CFAP221: variants seen among roughly 807,000 people sequenced by gnomAD.
CFAP221 encodes cilia- and flagella-associated protein 221.
A neutral mutation model predicts 113.1 loss-of-function variants in CFAP221; 97 were observed. The ratio of observed to expected loss-of-function variants is 0.86; its 90% CI spans 0.73 to 1.02. CFAP221 has a LOEUF of 1.02. Ranked by LOEUF, CFAP221 falls within the 50% of genes least tolerant of loss-of-function variation. CFAP221 has a pLI of 0.00. For synonymous variants in CFAP221, 331 were observed against 354.4 expected (o/e 0.93, Z 0.74); for missense variants, 1,025 against 1,013.4 (o/e 1.01, Z -0.16).
At chr2:119,608,473 T>G in intron 11 of CFAP221, 29 bp from the exon 12 acceptor site, 1 of 1,459,790 alleles carries the variant, frequency 6.9e-7, no homozygotes. Flanking sequence ...TGATGGGTTC[T>G]GGACACAGTT....
At chr2:119,608,372 C>A in intron 11 of CFAP221, 130 bp from the exon 12 acceptor site, 1 of 592,166 alleles carries the variant, frequency 1.7e-6, no homozygotes, top group Non-Finnish European at 2.9e-6. Flanking sequence ...ACTAACTTCT[C>A]TATCCCATGT....
chr2:119,596,348 G>A (rs1020794388), intron 7 of CFAP221, among the ~76,000 whole-genome samples: 15 of 152,296 alleles, frequency 9.8e-5, no homozygotes, highest in Middle Eastern at 3.4e-3. Context: ...CCCTCCAGTC[G>A]CCCTGCCCTC....
chr2:119,617,686 C>T (rs1685623415), intron 14 of CFAP221, among the ~76,000 whole-genome samples: 1 of 152,230 alleles, frequency 6.6e-6, no homozygotes, highest in African/African-American at 2.4e-5. Context: ...CCCAGCATCT[C>T]TTGCCTGGAC....
At chr2:119,613,452 T>C (rs574440751) in intron 13 of CFAP221, among the ~76,000 whole-genome samples, 1 of 152,352 alleles carries the variant, frequency 6.6e-6, no homozygotes, top group South Asian at 2.1e-4. Flanking sequence ...GGTGTTTCCA[T>C]ACATCCTCTG....
chr2:119,549,114 G>A lies in CFAP221; in HGVS notation c.169G>A (p.Val57Ile). 6.5e-7 allele frequency: 1 copy of A among 1,533,996 alleles called. No homozygotes were observed. The highest frequency in any genetic ancestry group is 8.7e-7 in the Non-Finnish European group (1 of 1,146,276). Residue 57 changes from valine to isoleucine, a missense_variant, in exon 3 of 24, where the codon GTC becomes ATC. Coordinates refer to ENST00000413369, the MANE Select transcript of CFAP221 (RefSeq NM_001271049.2). ...TTATGCAAAACTTGTGAATAATAAG[G>A]TCATACAGGCAAGACCTGGCATAAT... ...KVYAKLVNNK[V>I]IQARPGIIHF...
chr2:119,607,168 A>G (rs1684830509), intron 11 of CFAP221, among the ~76,000 whole-genome samples: 1 of 152,184 alleles, frequency 6.6e-6, no homozygotes, highest in Non-Finnish European at 1.5e-5. Flanking sequence ...ATTTTATAAA[A>G]ATGAAATAGA....
chr2:119,601,266 C>T lies in CFAP221; in HGVS notation c.680C>T (p.Pro227Leu), dbSNP rs1185300895. 1 of 1,534,552 alleles carries T rather than the reference C, an allele frequency of 6.5e-7. No individual in the cohort carries two copies. Among genetic ancestry groups the T allele is most frequent in the Non-Finnish European group, 8.7e-7 (1 of 1,145,972 alleles). Residue 227 changes from proline to leucine, a missense_variant, in exon 8 of 24, where the codon CCC (proline) becomes CTC (leucine). Pro to Leu is a moderately conservative substitution (Grantham distance 98). Transcript: ENST00000413369. ...GKMTVTIKFT[P>L]FQYGTAQIKM... ...ATGACTGTGACTATTAAGTTTACACCCTTTCAGTATGGGACTGCACAAATA... is the reference window on the plus strand; with the variant it reads ...ATGACTGTGACTATTAAGTTTACACTCTTTCAGTATGGGACTGCACAAATA...
At chr2:119,576,261 A>G (rs1682434359) in intron 6 of CFAP221, among the ~76,000 whole-genome samples, 1 of 152,130 alleles carries the variant, frequency 6.6e-6, no homozygotes, top group Non-Finnish European at 1.5e-5. Flanking sequence ...AACCCATTTC[A>G]CAGGGGTTTA....
intron 19 of CFAP221, among the ~76,000 whole-genome samples, chr2:119,632,108 C>T (rs115374552): frequency 1.8e-4 from 28 of 152,240 alleles, no homozygotes; most frequent in South Asian, 6.2e-4. Flanking sequence ...ACAAAATCTA[C>T]ACGAGCTCTT....
chr2:119,576,825 G>A (rs1269500799), intron 6 of CFAP221, among the ~76,000 whole-genome samples: 3 of 152,176 alleles, frequency 2.0e-5, no homozygotes, highest in East Asian at 1.9e-4. Context: ...ATTGTTGCCC[G>A]TTTCTTTGGG....
In CFAP221 at chr2:119,601,549, A is replaced by G. The variant is rs911228495; in HGVS notation, c.791+172A>G. 6 of 569,600 alleles carry G rather than the reference A, an allele frequency of 1.1e-5. No individual in the cohort carries two copies. The South Asian group carries it at 3.1e-4, about 29-fold the overall frequency. 35.3% of individuals were successfully genotyped at this position (569,600 alleles called of 1,614,324 possible). A position where few individuals can be genotyped will look rare whatever the true frequency, so the allele number is the denominator to read the frequency against. On this transcript the variant is annotated intron_variant, in intron 8 of 23. Coordinates refer to ENST00000413369, the MANE Select transcript of CFAP221 (RefSeq NM_001271049.2). ...CATAACAGAAATATAGAATATATCT[A>G]TGCTAGTAGCAAGAGTTGCTTCTGA... is the stretch of plus-strand genomic sequence containing the variant.
chr2:119,641,721 C>G (rs762853708), intron 21 of CFAP221, among the ~76,000 whole-genome samples: 2 of 152,296 alleles, frequency 1.3e-5, no homozygotes, highest in Non-Finnish European at 2.9e-5. Context: ...CCTTCCCCGC[C>G]CACTAAGCGG....
intron 21 of CFAP221, among the ~76,000 whole-genome samples, chr2:119,645,616 A>G (rs7601313): frequency 0.99 from 150,958 of 152,020 alleles, 74,960 homozygotes; most frequent in Middle Eastern, 1. Flanking sequence ...TTCATACTTG[A>G]CAAGGGGGTG....
At chr2:119,621,447 A>G (rs576116939) in intron 14 of CFAP221, among the ~76,000 whole-genome samples, 47 of 152,284 alleles carry the variant, frequency 3.1e-4, no homozygotes, top group African/African-American at 1.1e-3. Flanking sequence ...ATAGTGGGAG[A>G]CTTTAACGCC....
At chr2:119,629,080 T>C (rs928156206) in intron 16 of CFAP221, among the ~76,000 whole-genome samples, 3 of 152,258 alleles carry the variant, frequency 2.0e-5, no homozygotes, top group Non-Finnish European at 4.4e-5. Context: ...ATTTCATCAA[T>C]TGTAAGATGC....
chr2:119,576,667 A>C (rs1371650115), intron 6 of CFAP221, among the ~76,000 whole-genome samples: 1 of 152,190 alleles, frequency 6.6e-6, no homozygotes, highest in Non-Finnish European at 1.5e-5. Context: ...TTCTGGTCTG[A>C]GGCTCCAATC....
chr2:119,631,012 T>G lies in CFAP221; in HGVS notation c.1974+111T>G, dbSNP rs766506481. ...TATTTTTTCTCTTTGGAATTTCAAGTGTTAAACAATATCTGACCTTTAATA... is the reference window on the plus strand; with the variant it reads ...TATTTTTTCTCTTTGGAATTTCAAGGGTTAAACAATATCTGACCTTTAATA... On this transcript the variant is annotated intron_variant, in intron 19 of 23. Transcript: ENST00000413369. 9 of 1,489,314 alleles carry G rather than the reference T, an allele frequency of 6.0e-6. No individual in the cohort carries two copies. In the African/African-American group the frequency reaches 9.8e-5, roughly 16 times the overall value. 92.3% of individuals were successfully genotyped at this position (1,489,314 alleles called of 1,614,324 possible).
At chr2:119,619,251 C>T (rs563097779) in intron 14 of CFAP221, among the ~76,000 whole-genome samples, 2 of 152,336 alleles carry the variant, frequency 1.3e-5, no homozygotes, top group South Asian at 4.1e-4. Context: ...GGACAGACTG[C>T]CTCCTCAAGT....
rs1028499336 is a variant in CFAP221, at chr2:119,625,373, T to C, written c.1411-210T>C. Among the ~76,000 whole-genome samples, 4 of 152,198 alleles carry C rather than the reference T, an allele frequency of 2.6e-5. No individual in the cohort carries two copies. The East Asian group carries it at 7.7e-4, about 29-fold the overall frequency. ...GACAAGGCCAGATGACAACTTGATC[T>C]TTTTTGTATTCAGGCAAGTCAGTAT... On this transcript the variant is annotated intron_variant, in intron 14 of 23. Transcript: ENST00000413369.
Sources: allele counts gnomAD v4.1 joint callset (sites outside exome capture counted in the v4.1 genomes callset), GRCh38; gene constraint gnomAD v4.1.1; transcripts MANE v1.5; gene names NCBI Gene and HGNC (gene_info 2026-07-23, HGNC 2026-07-21).